The following DCC variants were observed in gnomAD, a reference collection of about 807,000 sequenced individuals.
DCC encodes the protein netrin receptor DCC.
Under a neutral mutation model 172.5 loss-of-function variants are expected in DCC, and 58 were observed. That is an observed-to-expected ratio of 0.34 (90% CI 0.27 to 0.42). DCC has a LOEUF of 0.42. DCC is among the 10% of genes least tolerant of loss of function. The probability of loss-of-function intolerance (pLI) is 1.00; values close to 1 mark genes in which losing one functional copy is unlikely to be tolerated. For missense variants in DCC, 1,740 were observed against 1,791.0 expected (o/e 0.97, Z 0.51); for synonymous variants, 709 against 644.5 (o/e 1.10, Z -1.52).
chr18:53,507,019 A>T (rs572635961), intron 27 of DCC, among the ~76,000 whole-genome samples: 1 of 152,276 alleles, frequency 6.6e-6, no homozygotes, highest in East Asian at 1.9e-4. Flanking sequence ...TTTAAGGAGG[A>T]AGGAAACATG....
chr18:52,921,248 A>G (rs2040120523), intron 3 of DCC, among the ~76,000 whole-genome samples: 1 of 152,208 alleles, frequency 6.6e-6, no homozygotes, highest in Admixed American at 6.5e-5. Context: ...AGATGTTTGT[A>G]ATAGGAGAAA....
intron 15 of DCC, among the ~76,000 whole-genome samples, chr18:53,348,211 G>C (rs539689065): frequency 5.3e-5 from 8 of 152,112 alleles, no homozygotes. Flanking sequence ...GACAGACATC[G>C]GGTAAATACA....
chr18:52,645,706 G>A (rs2035005663), intron 1 of DCC, among the ~76,000 whole-genome samples: 1 of 152,160 alleles, frequency 6.6e-6, no homozygotes, highest in South Asian at 2.1e-4. Flanking sequence ...TCTATCTTAA[G>A]TATACATCTA....
At chr18:53,262,711 GGT>G in intron 12 of DCC, among the ~76,000 whole-genome samples, 1 of 152,076 alleles carries the variant, frequency 6.6e-6, no homozygotes, top group Admixed American at 6.5e-5. Context: ...TTTCATCAGA[GGT>G]TATTTAGTTT....
intron 1 of DCC, among the ~76,000 whole-genome samples, chr18:52,377,264 C>T (rs1275150286): frequency 6.6e-6 from 1 of 152,152 alleles, no homozygotes; most frequent in African/African-American, 2.4e-5. Context: ...CATTACTATC[C>T]TGAGCACTTC....
chr18:53,270,528 G>C (rs886179663), intron 12 of DCC, among the ~76,000 whole-genome samples: 1 of 152,102 alleles, frequency 6.6e-6, no homozygotes, highest in African/African-American at 2.4e-5. Flanking sequence ...ATTGTTTAAA[G>C]ATACAAATGT....
At chr18:52,450,679 C>G (rs1988275079) in intron 1 of DCC, among the ~76,000 whole-genome samples, 1 of 152,102 alleles carries the variant, frequency 6.6e-6, no homozygotes, top group Non-Finnish European at 1.5e-5. Context: ...AGAACTTCAT[C>G]CATTTTGTTC....
At chr18:52,542,623 G>A (rs557172780) in intron 1 of DCC, among the ~76,000 whole-genome samples, 5 of 152,224 alleles carry the variant, frequency 3.3e-5, no homozygotes, top group Admixed American at 1.3e-4. Flanking sequence ...ATCACTTGAG[G>A]TCAGGAGTTT....
chr18:52,425,788 T>C (rs915713291), intron 1 of DCC, among the ~76,000 whole-genome samples: 1 of 152,156 alleles, frequency 6.6e-6, no homozygotes. Context: ...GCTCCACTCA[T>C]AGAAATTATG....
chr18:53,279,231 A>C (rs1157277889), intron 12 of DCC, among the ~76,000 whole-genome samples: 3 of 152,086 alleles, frequency 2.0e-5, no homozygotes, highest in African/African-American at 7.2e-5. Flanking sequence ...ACAATAGCAA[A>C]GACTTGGAAC....
At chr18:52,784,655 CTGA>C (rs886293512) in intron 2 of DCC, among the ~76,000 whole-genome samples, 25 of 151,962 alleles carry the variant, frequency 1.6e-4, no homozygotes, top group Non-Finnish European at 3.4e-4. Context: ...ATTGTGATGA[CTGA>C]TGATGTTGAT....
chr18:52,925,462 T>C, intron 5 of DCC, 92 bp downstream of exon 5: 3 of 1,342,960 alleles, frequency 2.2e-6, no homozygotes, highest in South Asian at 2.4e-5. Context: ...GATTCCTATG[T>C]TTATTAGTGT....
chr18:52,350,167 G>A (rs1038824891), intron 1 of DCC, among the ~76,000 whole-genome samples: 1 of 152,198 alleles, frequency 6.6e-6, no homozygotes, highest in Non-Finnish European at 1.5e-5. Flanking sequence ...ATGAATAAAA[G>A]ATTTAGATGA....
intron 7 of DCC, among the ~76,000 whole-genome samples, chr18:53,151,790 A>T (rs1371535097): frequency 6.6e-6 from 1 of 152,134 alleles, no homozygotes. Context: ...CACAAAAGTC[A>T]TGATTCTTTC....
chr18:53,309,922 GTATATATA>G (rs5825006), intron 13 of DCC, among the ~76,000 whole-genome samples: 1 of 123,524 alleles, frequency 8.1e-6, no homozygotes, highest in African/African-American at 3.4e-5. Context: ...ATATGTGCGT[GTATATATA>G]TATATATATA....
chr18:53,251,982 A>G (rs942096454), intron 12 of DCC, among the ~76,000 whole-genome samples: 4 of 151,904 alleles, frequency 2.6e-5, no homozygotes, highest in African/African-American at 9.7e-5. Flanking sequence ...GGCTGGATCT[A>G]GAATAATCCC....
intron 1 of DCC, among the ~76,000 whole-genome samples, chr18:52,448,314 C>T (rs144267686): frequency 2.0e-5 from 3 of 152,298 alleles, no homozygotes; most frequent in Admixed American, 1.3e-4. Flanking sequence ...TTGTCTTCCA[C>T]GAATTCGGTC....
intron 12 of DCC, among the ~76,000 whole-genome samples, chr18:53,243,754 G>T (rs1475019630): frequency 6.6e-6 from 1 of 152,100 alleles, no homozygotes; most frequent in Non-Finnish European, 1.5e-5. Flanking sequence ...TACAAAACAG[G>T]GTCACTCAAC....
intron 3 of DCC, among the ~76,000 whole-genome samples, chr18:52,922,539 T>G (rs1273241415): frequency 6.6e-6 from 1 of 152,168 alleles, no homozygotes; most frequent in Non-Finnish European, 1.5e-5. Flanking sequence ...CATCCAGATT[T>G]TGCTTTGAGT....
Sources: gnomAD v4.1 joint callset for allele counts (sites outside exome capture counted in the v4.1 genomes callset) on GRCh38, gnomAD v4.1.1 for gene constraint, MANE v1.5 for transcripts, NCBI Gene and HGNC (gene_info 2026-07-23, HGNC 2026-07-21) for gene names.